DOCK2: variants seen among roughly 807,000 people sequenced by gnomAD.
DOCK2 encodes the protein dedicator of cytokinesis protein 2.
Under a neutral mutation model 248.9 loss-of-function variants are expected in DOCK2, and 87 were observed. That is an observed-to-expected ratio of 0.35 (90% CI 0.29 to 0.42). DOCK2 has a LOEUF of 0.42. Among genes scored for constraint, DOCK2 ranks in the 10% least tolerant of loss-of-function variants. The pLI, the probability that DOCK2 is intolerant of heterozygous loss-of-function variation, is 1.00. For missense variants in DOCK2, 1,747 were observed against 2,300.2 expected (o/e 0.76, Z 4.92); for synonymous variants, 805 against 821.6 (o/e 0.98, Z 0.35).
chr5:169,645,940 G>A (rs264873), intron 1 of DOCK2, among the ~76,000 whole-genome samples: 67,909 of 151,678 alleles, frequency 0.45, 15,620 homozygotes, highest in East Asian at 0.53. Context: ...TAGTAGAGAC[G>A]GGGTTTCACC....
intron 32 of DOCK2, among the ~76,000 whole-genome samples, chr5:170,017,859 G>C (rs1369898735): frequency 6.6e-6 from 1 of 152,214 alleles, no homozygotes; most frequent in Non-Finnish European, 1.5e-5. Context: ...TCTGTGCTAA[G>C]TACATGCGGA....
chr5:170,072,308 A>G (rs1371861090), intron 46 of DOCK2, among the ~76,000 whole-genome samples: 1 of 152,190 alleles, frequency 6.6e-6, no homozygotes, highest in Non-Finnish European at 1.5e-5. Flanking sequence ...CTTTGGCTCA[A>G]TATAATGCCT....
chr5:169,768,643 C>T (rs1216428154), intron 25 of DOCK2, among the ~76,000 whole-genome samples: 1 of 152,158 alleles, frequency 6.6e-6, no homozygotes, highest in African/African-American at 2.4e-5. Flanking sequence ...GCACAGCTTC[C>T]CTGCAGCAAG....
chr5:170,042,862 A>G (rs1756568345), intron 38 of DOCK2, among the ~76,000 whole-genome samples: 1 of 152,194 alleles, frequency 6.6e-6, no homozygotes, highest in Non-Finnish European at 1.5e-5. Flanking sequence ...ATGAGAGCAG[A>G]GACTTGTCTT....
In DOCK2 at chr5:169,923,069, G is replaced by A. The variant is rs142709784; in HGVS notation, c.2800-59999G>A. Among the ~76,000 whole-genome samples the A allele has an allele frequency of 5.9e-5, 9 of 152,314 alleles. No individual in the cohort carries two copies. The East Asian group carries it at 1.7e-3, about 29-fold the overall frequency. On this transcript the variant is annotated intron_variant, in intron 27 of 51. Coordinates refer to ENST00000520908, the MANE Select transcript of DOCK2 (RefSeq NM_004946.3). Reference sequence around the variant, plus strand: ...TCAGAGGCTAAATAATTCCCTGGGGGACACAGAGCCACCACCTCATGGAAC... The same window carrying A: ...TCAGAGGCTAAATAATTCCCTGGGGAACACAGAGCCACCACCTCATGGAAC...
At chr5:169,949,979 G>C (rs1284912666) in intron 27 of DOCK2, among the ~76,000 whole-genome samples, 1 of 152,142 alleles carries the variant, frequency 6.6e-6, no homozygotes, top group Non-Finnish European at 1.5e-5. Context: ...ACATTTACCA[G>C]AAAAACACAA....
At chr5:170,071,599 A>T (rs112856186) in intron 46 of DOCK2, among the ~76,000 whole-genome samples, 7 of 152,344 alleles carry the variant, frequency 4.6e-5, no homozygotes, top group African/African-American at 1.4e-4. Context: ...AATATTATGT[A>T]CAGAAAAGTA....
At chr5:169,734,385 C>G (rs1762931385) in intron 22 of DOCK2, among the ~76,000 whole-genome samples, 1 of 152,036 alleles carries the variant, frequency 6.6e-6, no homozygotes, top group African/African-American at 2.4e-5. Context: ...CATTCTGTCT[C>G]TCTGTTTTGG....
In DOCK2 at chr5:170,079,004, C is replaced by T. The variant is rs201322810; in HGVS notation, c.5024C>T (p.Thr1675Met). The T allele has an allele frequency of 6.5e-5, 105 of 1,614,120 alleles. 1 individual carries two copies. The Middle Eastern group carries it at 2.8e-3, about 43-fold the overall frequency. ...SFDLELASPK[T>M]PRVEQEEPIS... Reference sequence around the variant, plus strand: ...GACCTGGAATTAGCATCACCCAAGACGCCGAGAGTGGAGCAGGAGGAACCG... The same window carrying T: ...GACCTGGAATTAGCATCACCCAAGATGCCGAGAGTGGAGCAGGAGGAACCG... The change falls in exon 49 of 52, where the codon ACG becomes ATG. Residue 1675 changes from threonine to methionine, a missense_variant. Around this residue, in one of 4 missense-constraint regions of DOCK2, gnomAD observed 513 missense variants for 586.1 expected, o/e 0.88. Transcript: ENST00000520908.
rs190047514 is a variant in DOCK2, at chr5:169,828,930, A to G, written c.2704-11827A>G. Among the ~76,000 whole-genome samples, 274 of 152,324 alleles carry G rather than the reference A, an allele frequency of 1.8e-3. 1 individual carries two copies. The highest frequency in any genetic ancestry group is 0.014 in the Middle Eastern group (4 of 294). On this transcript the variant is annotated intron_variant, in intron 26 of 51. Transcript: ENST00000520908. The stretch of plus-strand genomic sequence containing the variant: ...ATCCCTGTCCTCAAGTAACTTACCA[A>G]TGATTCACAATCTATTTGTTTAACA...
intron 27 of DOCK2, among the ~76,000 whole-genome samples, chr5:169,981,099 G>A (rs1367309151): frequency 6.6e-6 from 1 of 152,152 alleles, no homozygotes; most frequent in Non-Finnish European, 1.5e-5. Context: ...TTTAAACAAG[G>A]GCTTTGCATT....
At chr5:169,727,791 AT>A (rs1257492060) in intron 22 of DOCK2, among the ~76,000 whole-genome samples, 1 of 152,090 alleles carries the variant, frequency 6.6e-6, no homozygotes, top group Non-Finnish European at 1.5e-5. Context: ...GAAAAAAAAA[AT>A]TTTTTTCTCC....
intron 29 of DOCK2, among the ~76,000 whole-genome samples, chr5:169,986,499 A>G (rs2113788834): frequency 6.6e-6 from 1 of 152,356 alleles, no homozygotes; most frequent in East Asian, 1.9e-4. Flanking sequence ...TATAGCTTAG[A>G]TGTCCTATGG....
chr5:169,928,286 C>G (rs551928563), intron 27 of DOCK2, among the ~76,000 whole-genome samples: 89 of 152,274 alleles, frequency 5.8e-4, no homozygotes, highest in Non-Finnish European at 1.2e-4. Flanking sequence ...GGTGGGCCAG[C>G]CTGTTCTTGC....
At chr5:169,787,595 C>T (rs761884387) in intron 25 of DOCK2, among the ~76,000 whole-genome samples, 6 of 152,082 alleles carry the variant, frequency 3.9e-5, no homozygotes, top group Non-Finnish European at 7.4e-5. Flanking sequence ...GTGAAAATCC[C>T]TCCTGTTTCT....
chr5:170,004,627 T>C (rs1244148789), intron 30 of DOCK2, among the ~76,000 whole-genome samples: 3 of 149,868 alleles, frequency 2.0e-5, no homozygotes, highest in Non-Finnish European at 3.0e-5. Flanking sequence ...CGTATGTTTA[T>C]TGTGGCATTA....
In DOCK2 at chr5:169,930,733, G is replaced by A. The variant is rs371031772; in HGVS notation, c.2800-52335G>A. Among the ~76,000 whole-genome samples, 41 of 152,252 alleles carry A rather than the reference G, an allele frequency of 2.7e-4. 1 individual carries two copies. The highest frequency in any genetic ancestry group is 2.1e-3 in the South Asian group (10 of 4,822). ...TTCTCTCACTGCAGTCTACATCTTC[G>A]CCCTTTGAGAGTCGGGTGGAAGGCA... is the stretch of plus-strand genomic sequence containing the variant. On this transcript the variant is annotated intron_variant, in intron 27 of 51. Transcript: ENST00000520908.
chr5:169,984,657 G>A (rs977190315), intron 28 of DOCK2, among the ~76,000 whole-genome samples: 3 of 152,044 alleles, frequency 2.0e-5, no homozygotes, highest in Non-Finnish European at 2.9e-5. Flanking sequence ...ATGCACACAC[G>A]TGCGCACACA....
chr5:169,911,859 T>C (rs1219746319), intron 27 of DOCK2, among the ~76,000 whole-genome samples: 1 of 152,234 alleles, frequency 6.6e-6, no homozygotes, highest in Non-Finnish European at 1.5e-5. Flanking sequence ...AAGTGTTTTC[T>C]ACCAACTGCT....
Sources: gnomAD v4.1 joint callset for allele counts (sites outside exome capture counted in the v4.1 genomes callset) on GRCh38, gnomAD v4.1.1 for gene constraint, gnomAD v4.1.1 regional missense constraint, MANE v1.5 for transcripts, NCBI Gene and HGNC (gene_info 2026-07-23, HGNC 2026-07-21) for gene names.